CADM2: variants seen among roughly 807,000 people sequenced by gnomAD.
CADM2 encodes the protein immunoglobulin superfamily member 4D.
CADM2 carries 12 observed loss-of-function variants against 49.8 expected under a neutral mutation model. That is an observed-to-expected ratio of 0.24 (90% CI 0.15 to 0.39). CADM2 has a LOEUF of 0.39. Ranked by LOEUF, CADM2 falls within the 10% of genes least tolerant of loss-of-function variation. The probability of loss-of-function intolerance (pLI) is 1.00; values close to 1 mark genes in which losing one functional copy is unlikely to be tolerated. For missense variants in CADM2, 378 were observed against 492.3 expected, an observed-to-expected ratio of 0.77 and a Z score of 2.20; for synonymous variants, 214 against 175.4, an observed-to-expected ratio of 1.22 and a Z score of -1.74.
chr3:85,828,187 G>A (rs769452149), intron 3 of CADM2: 13 of 151,886 alleles, frequency 8.6e-5, no homozygotes, highest in Non-Finnish European at 1.6e-4. Context: ...TGTAGGTTTG[G>A]CAGAGATTTT....
chr3:85,827,810 T>A (rs955823460), intron 3 of CADM2, among the ~76,000 whole-genome samples: 7 of 152,024 alleles, frequency 4.6e-5, no homozygotes, highest in Non-Finnish European at 8.8e-5. Context: ...GTACTCAAAG[T>A]GAATGATTCA....
intron 1 of CADM2, among the ~76,000 whole-genome samples, chr3:85,586,279 A>T (rs2062943827): frequency 6.6e-6 from 1 of 152,094 alleles, no homozygotes; most frequent in South Asian, 2.1e-4. Context: ...CTTAGGGTGA[A>T]TTACTTTCCA....
At chr3:86,028,842 T>C (rs1337317233) in intron 8 of CADM2, among the ~76,000 whole-genome samples, 1 of 152,176 alleles carries the variant, frequency 6.6e-6, no homozygotes, top group African/African-American at 2.4e-5. Context: ...TTACCCTGGA[T>C]TAAATTATGC....
chr3:85,278,744 G>A (rs1330820865), intron 1 of CADM2, among the ~76,000 whole-genome samples: 3 of 150,866 alleles, frequency 2.0e-5, no homozygotes, highest in Admixed American at 6.7e-5. Context: ...GTGTGTGTGT[G>A]TGTGTGTGTG....
At position 85,589,417 on chromosome 3, in the gene CADM2, C is replaced by G. The variant is rs145210289; in HGVS notation, c.62-137105C>G. On this transcript the variant is annotated intron_variant, in intron 1 of 9. Transcript: ENST00000383699. ...AAGTAAAAATCAGTTCCAGTACTGACTAGCTGCAGGACCACTTGACCCTAA... is the reference window on the plus strand; with the variant it reads ...AAGTAAAAATCAGTTCCAGTACTGAGTAGCTGCAGGACCACTTGACCCTAA... 9.2e-5 allele frequency among the ~76,000 whole-genome samples: 14 copies of G among 152,118 alleles called. No individual in the cohort carries two copies. The East Asian group carries it at 2.7e-3, about 30-fold the overall frequency.
intron 1 of CADM2, among the ~76,000 whole-genome samples, chr3:84,979,422 G>A (rs952279367): frequency 2.0e-5 from 3 of 152,066 alleles, no homozygotes; most frequent in African/African-American, 7.2e-5. Flanking sequence ...TTTAAAAAAT[G>A]TGTGTGCCTG....
intron 2 of CADM2, among the ~76,000 whole-genome samples, chr3:85,735,384 A>G (rs546745012): frequency 6.6e-6 from 1 of 152,270 alleles, no homozygotes; most frequent in South Asian, 2.1e-4. Flanking sequence ...GCAATATTCA[A>G]CAGCCCTGTA....
At chr3:85,231,892 T>C (rs1353546836) in intron 1 of CADM2, among the ~76,000 whole-genome samples, 1 of 151,594 alleles carries the variant, frequency 6.6e-6, no homozygotes, top group Non-Finnish European at 1.5e-5. Flanking sequence ...TTGTATTTTT[T>C]TTAGTAGAGA....
At chr3:85,012,897 A>T (rs2034062851) in intron 1 of CADM2, among the ~76,000 whole-genome samples, 1 of 151,878 alleles carries the variant, frequency 6.6e-6, no homozygotes, top group Non-Finnish European at 1.5e-5. Flanking sequence ...TTTATTTGAT[A>T]TATAGTATGC....
intron 1 of CADM2, among the ~76,000 whole-genome samples, chr3:85,515,553 G>A (rs999330281): frequency 2.0e-5 from 3 of 147,878 alleles, no homozygotes; most frequent in Non-Finnish European, 4.5e-5. Flanking sequence ...CTCCCGAGTA[G>A]CTGGGATTAC....
At chr3:85,691,954 A>T (rs2066401789) in intron 1 of CADM2, among the ~76,000 whole-genome samples, 1 of 152,126 alleles carries the variant, frequency 6.6e-6, no homozygotes, top group South Asian at 2.1e-4. Context: ...GAAGGGGAAC[A>T]TCACACACCG....
chr3:85,614,460 T>A (rs532033403), intron 1 of CADM2, among the ~76,000 whole-genome samples: 31 of 151,952 alleles, frequency 2.0e-4, no homozygotes, highest in Admixed American at 6.6e-4. Flanking sequence ...ATTAATATAA[T>A]GGGTTTAAAA....
chr3:84,976,434 GA>G lies in CADM2; in HGVS notation c.61+16771del, dbSNP rs1260115468. 4.0e-5 allele frequency among the ~76,000 whole-genome samples: 6 copies of G among 151,710 alleles called. No individual in the cohort carries two copies. In the East Asian group the frequency reaches 1.2e-3, roughly 29 times the overall value. On this transcript the variant is annotated intron_variant, in intron 1 of 9. Coordinates refer to ENST00000383699, the MANE Select transcript of CADM2 (RefSeq NM_001167675.2). ...AATTAAATAAAGCATAGTATTTAGT[GA>G]AAAATCCATCATAAACCAATATATT...
chr3:85,436,488 C>T (rs1463340262), intron 1 of CADM2, among the ~76,000 whole-genome samples: 2 of 152,012 alleles, frequency 1.3e-5, no homozygotes, highest in Non-Finnish European at 2.9e-5. Context: ...TTGTCTTGTG[C>T]CGGTTTTCAA....
intron 6 of CADM2, among the ~76,000 whole-genome samples, chr3:85,930,202 G>T (rs1266981340): frequency 2.0e-5 from 3 of 152,084 alleles, no homozygotes; most frequent in African/African-American, 2.4e-5. Flanking sequence ...GCATTAAAAA[G>T]AAATTGGTAT....
At chr3:85,206,845 GA>G (rs2107758774) in intron 1 of CADM2, among the ~76,000 whole-genome samples, 1 of 151,932 alleles carries the variant, frequency 6.6e-6, no homozygotes, top group African/African-American at 2.4e-5. Context: ...AAGTTGCTAA[GA>G]AAGATGAAGA....
chr3:85,695,515 A>G (rs2066523126), intron 1 of CADM2, among the ~76,000 whole-genome samples: 1 of 152,028 alleles, frequency 6.6e-6, no homozygotes. Flanking sequence ...ATTTGCTGCA[A>G]GAGATATTAT....
intron 1 of CADM2, among the ~76,000 whole-genome samples, chr3:85,691,948 G>C (rs1333268042): frequency 1.3e-5 from 2 of 152,136 alleles, no homozygotes; most frequent in African/African-American, 4.8e-5. Context: ...ACACAGGAAG[G>C]GGAACATCAC....
chr3:85,321,150 T>A lies in CADM2; in HGVS notation c.61+361482T>A, dbSNP rs1337360064. ...TTTTTTTTTTTTTTTTTTTTTTTTTTTTTTTTTTTTTTTTTTGCGAGAGAG... is the reference window on the plus strand; with the variant it reads ...TTTTTTTTTTTTTTTTTTTTTTTTTATTTTTTTTTTTTTTTTGCGAGAGAG... On this transcript the variant is annotated intron_variant, in intron 1 of 9. Coordinates refer to ENST00000383699, the MANE Select transcript of CADM2 (RefSeq NM_001167675.2). 4.9e-3 allele frequency among the ~76,000 whole-genome samples: 234 copies of A among 48,244 alleles called. 20 individuals are homozygous for A. Among genetic ancestry groups the A allele is most frequent in the East Asian group, 7.8e-3 (11 of 1,414 alleles). 31.6% of individuals were successfully genotyped at this position (48,244 alleles called of 152,430 possible). A position where few individuals can be genotyped will look rare whatever the true frequency, so the allele number is the denominator to read the frequency against.
Sources: allele counts gnomAD v4.1 joint callset (sites outside exome capture counted in the v4.1 genomes callset), GRCh38; gene constraint gnomAD v4.1.1; transcripts MANE v1.5; gene names NCBI Gene and HGNC (gene_info 2026-07-23, HGNC 2026-07-21).